Variants in CAMK2D observed in about 807,000 individuals in gnomAD.
CAMK2D encodes calcium/calmodulin-dependent protein kinase type II subunit delta.
A neutral mutation model predicts 84.0 loss-of-function variants in CAMK2D; 37 were observed. The ratio of observed to expected loss-of-function variants is 0.44; its 90% confidence interval spans 0.34 to 0.58. CAMK2D has a LOEUF of 0.58. CAMK2D is among the 20% of genes least tolerant of loss of function. CAMK2D has a pLI of 0.02. For synonymous variants in CAMK2D, 202 were observed against 212.5 expected (o/e 0.95, Z 0.43); for missense variants, 448 against 652.5 (o/e 0.69, Z 3.41).
At chr4:113,742,882 T>C (rs1489685416) in intron 2 of CAMK2D, among the ~76,000 whole-genome samples, 1 of 152,194 alleles carries the variant, frequency 6.6e-6, no homozygotes, top group South Asian at 2.1e-4. Flanking sequence ...ATAATTTTTA[T>C]CTATAAATAG....
At chr4:113,562,597 C>A (rs2154212371) in intron 4 of CAMK2D, among the ~76,000 whole-genome samples, 1 of 152,248 alleles carries the variant, frequency 6.6e-6, no homozygotes, top group East Asian at 1.9e-4. Context: ...AAAGAAGGAG[C>A]AACAGATTTA....
chr4:113,642,819 C>T (rs1326235570), intron 3 of CAMK2D, among the ~76,000 whole-genome samples: 3 of 152,006 alleles, frequency 2.0e-5, no homozygotes, highest in African/African-American at 7.2e-5. Context: ...CTTCATGATC[C>T]AAAGCCTCCC....
intron 2 of CAMK2D, among the ~76,000 whole-genome samples, chr4:113,728,657 T>A (rs2099553216): frequency 6.6e-6 from 1 of 152,216 alleles, no homozygotes; most frequent in African/African-American, 2.4e-5. Flanking sequence ...AGGTTTGAGC[T>A]GTGGTATCAG....
chr4:113,611,835 T>C (rs2099001667), intron 3 of CAMK2D, among the ~76,000 whole-genome samples: 1 of 152,328 alleles, frequency 6.6e-6, no homozygotes, highest in Non-Finnish European at 1.5e-5. Flanking sequence ...CCAAGTTTAC[T>C]TCTTTTGCAT....
At chr4:113,619,639 G>A (rs902963693) in intron 3 of CAMK2D, among the ~76,000 whole-genome samples, 5 of 152,068 alleles carry the variant, frequency 3.3e-5, no homozygotes, top group Admixed American at 2.6e-4. Context: ...TTATTTCCCC[G>A]ATATTCACAT....
intron 16 of CAMK2D, among the ~76,000 whole-genome samples, chr4:113,492,301 A>G (rs1467038175): frequency 3.3e-5 from 5 of 151,312 alleles, no homozygotes; most frequent in Admixed American, 6.6e-5. Flanking sequence ...TTCCCTCTAC[A>G]CACTGCTTTG....
At chr4:113,572,905 G>C (rs1464306511) in intron 4 of CAMK2D, among the ~76,000 whole-genome samples, 1 of 152,072 alleles carries the variant, frequency 6.6e-6, no homozygotes, top group Admixed American at 6.5e-5. Context: ...ACATGGATGG[G>C]GCTGGAGGTT....
intron 3 of CAMK2D, among the ~76,000 whole-genome samples, chr4:113,647,787 T>C (rs75457495): frequency 0.025 from 3,800 of 152,338 alleles, 137 homozygotes; most frequent in East Asian, 0.11. Flanking sequence ...ATTATGAATA[T>C]ATTCTTAGAA....
intron 3 of CAMK2D, among the ~76,000 whole-genome samples, chr4:113,642,634 C>T (rs2099136767): frequency 6.6e-6 from 1 of 152,206 alleles, no homozygotes; most frequent in Non-Finnish European, 1.5e-5. Context: ...AGGCTAAAGG[C>T]TTATTTTCTT....
At chr4:113,700,470 A>G (rs1038158001) in intron 2 of CAMK2D, among the ~76,000 whole-genome samples, 3 of 152,164 alleles carry the variant, frequency 2.0e-5, no homozygotes, top group Non-Finnish European at 4.4e-5. Context: ...GTCTTGTGCC[A>G]CACTTCCCAA....
chr4:113,613,856 A>G (rs2099010739), intron 3 of CAMK2D, among the ~76,000 whole-genome samples: 2 of 151,926 alleles, frequency 1.3e-5, no homozygotes, highest in Admixed American at 1.3e-4. Flanking sequence ...GATAACATGG[A>G]CAAAAAGGTG....
Position 113,513,422 on chromosome 4 carries a change from A to G in CAMK2D, c.904-52T>C, listed in dbSNP as rs759683769. On this transcript the variant is annotated intron_variant, in intron 11 of 20. Coordinates refer to ENST00000511664, the MANE Select transcript of CAMK2D (RefSeq NM_001321571.2). Reference sequence around the variant, plus strand: ...TCAGTGTTGCCTATGCAAATTCTGGACCTAACAAATATAGAGTCTTTGATA... The same window carrying G: ...TCAGTGTTGCCTATGCAAATTCTGGGCCTAACAAATATAGAGTCTTTGATA... 81 of 1,120,770 alleles carry G rather than the reference A, an allele frequency of 7.2e-5. No individual in the cohort carries two copies. The East Asian group carries it at 1.9e-3, about 26-fold the overall frequency. The allele number at this position is 1,120,770 out of a possible 1,614,324, so 69.4% of individuals were successfully genotyped here. A position where few individuals can be genotyped will look rare whatever the true frequency, so the allele number is the denominator to read the frequency against.
chr4:113,592,982 TA>T (rs2098899221), intron 4 of CAMK2D, among the ~76,000 whole-genome samples: 1 of 152,072 alleles, frequency 6.6e-6, no homozygotes, highest in Non-Finnish European at 1.5e-5. Context: ...GCCTCCCAAG[TA>T]GCTGGGATTA....
At chr4:113,493,933 A>G (rs191563103) in intron 16 of CAMK2D, among the ~76,000 whole-genome samples, 27,887 of 152,138 alleles carry the variant, frequency 0.18, 3,096 homozygotes, top group Non-Finnish European at 0.26. Flanking sequence ...AGTTGATCGC[A>G]TCGGCTCCTG....
chr4:113,468,918 AG>A (rs1368778964), intron 16 of CAMK2D, among the ~76,000 whole-genome samples: 3 of 152,198 alleles, frequency 2.0e-5, no homozygotes, highest in Non-Finnish European at 4.4e-5. Context: ...CTAGAACTGA[AG>A]TGCTCAAGCC....
chr4:113,656,691 C>T (rs1310766710), intron 3 of CAMK2D, among the ~76,000 whole-genome samples: 1 of 152,106 alleles, frequency 6.6e-6, no homozygotes, highest in African/African-American at 2.4e-5. Flanking sequence ...CCCTACTTTT[C>T]CCCTAACAAG....
chr4:113,522,888 A>AAATTC (rs1281386977), intron 8 of CAMK2D, among the ~76,000 whole-genome samples: 1 of 152,236 alleles, frequency 6.6e-6, no homozygotes, highest in African/African-American at 2.4e-5. Flanking sequence ...ACGGCTCTCA[A>AAATTC]AATTCATATG....
intron 2 of CAMK2D, among the ~76,000 whole-genome samples, chr4:113,702,939 T>G (rs1212734021): frequency 2.6e-5 from 4 of 152,140 alleles, no homozygotes; most frequent in African/African-American, 9.7e-5. Flanking sequence ...ACATTCAAAA[T>G]CTTGGAAATC....
At chr4:113,592,383 A>G (rs2154252358) in intron 4 of CAMK2D, among the ~76,000 whole-genome samples, 1 of 152,346 alleles carries the variant, frequency 6.6e-6, no homozygotes, top group Non-Finnish European at 1.5e-5. Flanking sequence ...GTCCACAGAT[A>G]TTGTCTCCAA....
Sources: allele counts gnomAD v4.1 joint callset (sites outside exome capture counted in the v4.1 genomes callset), GRCh38; gene constraint gnomAD v4.1.1; transcripts MANE v1.5; gene names NCBI Gene and HGNC (gene_info 2026-07-23, HGNC 2026-07-21).